GALK2: variants seen among roughly 807,000 people sequenced by gnomAD.
The protein encoded by GALK2 is galactokinase 2.
Under a neutral mutation model 52.4 loss-of-function variants are expected in GALK2, and 36 were observed. The ratio of observed to expected loss-of-function variants is 0.69; its 90% CI spans 0.53 to 0.91. The LOEUF (loss-of-function observed/expected upper bound fraction) is 0.91. GALK2 is among the 40% of genes least tolerant of loss of function. The pLI is 0.00. For synonymous variants in GALK2, 176 were observed against 199.1 expected, an observed-to-expected ratio of 0.88 and a Z score of 0.98; for missense variants, 579 against 559.1, an observed-to-expected ratio of 1.04 and a Z score of -0.36.
At chr15:49,236,225 T>C (rs1413417945) in intron 4 of GALK2, among the ~76,000 whole-genome samples, 2 of 152,190 alleles carry the variant, frequency 1.3e-5, no homozygotes, top group African/African-American at 4.8e-5. Context: ...CTTTTGAGGA[T>C]ATGTTTTAAT....
chr15:49,266,378 A>G (rs1477798471), intron 5 of GALK2, among the ~76,000 whole-genome samples: 1 of 152,144 alleles, frequency 6.6e-6, no homozygotes, highest in East Asian at 1.9e-4. Flanking sequence ...AAGGGAACGG[A>G]AACAGAGAGG....
At chr15:49,350,468 T>A (rs754961093) in intron 3 of GALK2, among the ~76,000 whole-genome samples, 1 of 152,148 alleles carries the variant, frequency 6.6e-6, no homozygotes, top group Non-Finnish European at 1.5e-5. Context: ...GATCACATAC[T>A]AATTCTCGAT....
intron 5 of GALK2, among the ~76,000 whole-genome samples, chr15:49,247,147 G>T (rs1339278203): frequency 1.3e-5 from 2 of 152,056 alleles, no homozygotes; most frequent in Non-Finnish European, 2.9e-5. Context: ...GGAACAGCAA[G>T]TGCAAAAGCC....
intron 7 of GALK2, among the ~76,000 whole-genome samples, chr15:49,285,138 T>C (rs539908525): frequency 6.6e-6 from 1 of 152,348 alleles, no homozygotes; most frequent in South Asian, 2.1e-4. Context: ...TTGAATTTGC[T>C]CTTTCTTAGG....
chr15:49,318,307 A>G (rs946925374), intron 8 of GALK2: 6 of 152,324 alleles, frequency 3.9e-5, no homozygotes, highest in Non-Finnish European at 8.8e-5. Flanking sequence ...TAATCTGGAA[A>G]ATACATATAT....
At chr15:49,366,328 G>A (rs1284540590) in intron 3 of GALK2, 1 of 786,708 alleles carries the variant, frequency 1.3e-6, no homozygotes, top group African/African-American at 1.7e-5. Flanking sequence ...TAGGAAATAG[G>A]ATACTGTTAT....
intron 5 of GALK2, among the ~76,000 whole-genome samples, chr15:49,274,109 C>T (rs1391891345): frequency 6.6e-6 from 1 of 152,164 alleles, no homozygotes; most frequent in Non-Finnish European, 1.5e-5. Context: ...AAGCAGAGAG[C>T]ACCGGAGCCT....
chr15:49,242,337 C>T (rs1356187277), intron 5 of GALK2, among the ~76,000 whole-genome samples: 2 of 152,026 alleles, frequency 1.3e-5, no homozygotes, highest in African/African-American at 4.8e-5. Context: ...ACTTTAGGAG[C>T]TGTGGATATA....
chr15:49,366,541 A>G (rs966288446), intron 3 of GALK2: 11 of 1,560,120 alleles, frequency 7.1e-6, no homozygotes, highest in Admixed American at 1.7e-5. Flanking sequence ...GAGCTGACCA[A>G]TGGGGGTTAT....
chr15:49,201,453 T>C (rs2087768857), intron 2 of GALK2, among the ~76,000 whole-genome samples: 1 of 152,208 alleles, frequency 6.6e-6, no homozygotes, highest in Non-Finnish European at 1.5e-5. Context: ...CATTTGTTTT[T>C]TAAATGTATT....
intron 3 of GALK2, among the ~76,000 whole-genome samples, chr15:49,228,680 T>TAC (rs1566957895): frequency 3.9e-4 from 8 of 20,770 alleles, no homozygotes; most frequent in East Asian, 1.0e-3. Context: ...TATATATATA[T>TAC]ATATATATTT....
intron 1 of GALK2, among the ~76,000 whole-genome samples, chr15:49,162,886 T>C (rs1046848443): frequency 2.6e-5 from 4 of 152,258 alleles, no homozygotes; most frequent in Admixed American, 6.5e-5. Flanking sequence ...AATAAGCCTT[T>C]GTGAGACCTT....
intron 1 of GALK2, chr15:49,156,038 T>C: frequency 6.2e-7 from 1 of 1,613,746 alleles, no homozygotes. Flanking sequence ...GCTATCATTG[T>C]ACGTGTGCAT....
chr15:49,171,193 C>T (rs373875392), intron 1 of GALK2, among the ~76,000 whole-genome samples: 2 of 151,710 alleles, frequency 1.3e-5, no homozygotes, highest in East Asian at 3.9e-4. Context: ...AGCGATTCTC[C>T]TGTCTCAGCC....
chr15:49,255,648 A>AAGGCTCT (rs1566982876), intron 5 of GALK2, among the ~76,000 whole-genome samples: 10 of 105,726 alleles, frequency 9.5e-5, no homozygotes, highest in Non-Finnish European at 1.4e-4. Context: ...TAATACACAG[A>AAGGCTCT]GATAGGTAGA....
At chr15:49,159,335 G>A (rs898938092) in intron 1 of GALK2, among the ~76,000 whole-genome samples, 13 of 152,138 alleles carry the variant, frequency 8.5e-5, no homozygotes, top group African/African-American at 3.1e-4. Flanking sequence ...CAGCACTTTG[G>A]GAAGCCGAGG....
intron 2 of GALK2, among the ~76,000 whole-genome samples, chr15:49,203,170 C>A (rs1489124858): frequency 6.6e-6 from 1 of 152,156 alleles, no homozygotes; most frequent in East Asian, 1.9e-4. Flanking sequence ...CCTGCCTCGG[C>A]CTCCCGAGTA....
intron 1 of GALK2, among the ~76,000 whole-genome samples, chr15:49,188,647 A>G (rs2141250807): frequency 6.6e-6 from 1 of 152,328 alleles, no homozygotes; most frequent in Non-Finnish European, 1.5e-5. Context: ...CTGTGGATAG[A>G]TAGTTGTTCA....
chr15:49,182,134 C>T (rs966267314), intron 1 of GALK2, among the ~76,000 whole-genome samples: 1 of 152,122 alleles, frequency 6.6e-6, no homozygotes, highest in Non-Finnish European at 1.5e-5. Flanking sequence ...CATCCCCACT[C>T]CCTCATCTCT....
Sources: gnomAD v4.1 joint callset for allele counts (sites outside exome capture counted in the v4.1 genomes callset) on GRCh38, gnomAD v4.1.1 for gene constraint, MANE v1.5 for transcripts, NCBI Gene and HGNC (gene_info 2026-07-23, HGNC 2026-07-21) for gene names.